The following SERPINB12 variants were observed in gnomAD, a reference collection of about 807,000 sequenced individuals.
SERPINB12 encodes the protein serpin B12.
Under a neutral mutation model 41.1 loss-of-function variants are expected in SERPINB12, and 57 were observed. The ratio of observed to expected loss-of-function variants is 1.39; its 90% confidence interval spans 1.12 to 1.73. The LOEUF (loss-of-function observed/expected upper bound fraction) is 1.73, where lower values mean the gene tolerates loss of function less well. SERPINB12 is among the 40% of genes most tolerant of loss of function. The pLI is 0.00. For synonymous variants in SERPINB12, 180 were observed against 181.3 expected (o/e 0.99, Z 0.06); for missense variants, 536 against 501.9 (o/e 1.07, Z -0.65).
At chr18:63,547,772 G>T (rs1371855883) in intron 1 of SERPINB12, among the ~76,000 whole-genome samples, 1 of 151,818 alleles carries the variant, frequency 6.6e-6, no homozygotes, top group African/African-American at 2.4e-5. Flanking sequence ...TTCTTATATA[G>T]TAAAAAATTA....
intron 1 of SERPINB12, among the ~76,000 whole-genome samples, chr18:63,547,915 A>G (rs1164129186): frequency 6.6e-6 from 1 of 152,200 alleles, no homozygotes; most frequent in African/African-American, 2.4e-5. Flanking sequence ...AAAAATGGGC[A>G]GATGACAGCA....
the SERPINB12 span, among the ~76,000 whole-genome samples, chr18:63,530,432 C>T: frequency 1.3e-5 from 2 of 152,100 alleles, no homozygotes; most frequent in Non-Finnish European, 2.9e-5. Context: ...ACCCACCTTC[C>T]CCCCAAACTT....
chr18:63,546,406 T>G (rs1236590068), intron 1 of SERPINB12, among the ~76,000 whole-genome samples: 1 of 152,222 alleles, frequency 6.6e-6, no homozygotes, highest in Non-Finnish European at 1.5e-5. Context: ...TAAAAAGTTT[T>G]GTGTTTTCAG....
At chr18:63,531,255 T>G in the SERPINB12 span, among the ~76,000 whole-genome samples, 1 of 152,210 alleles carries the variant, frequency 6.6e-6, no homozygotes, top group Non-Finnish European at 1.5e-5. Flanking sequence ...TCACTAAGCT[T>G]GAGTTGCTGT....
At chr18:63,565,754 AT>A in intron 7 of SERPINB12, 142 bp downstream of exon 7, 1 of 631,536 alleles carries the variant, frequency 1.6e-6, no homozygotes, top group Non-Finnish European at 2.5e-6. Flanking sequence ...TCTGAATTAG[AT>A]TAGATATTTA....
chr18:63,566,598 C>T lies in SERPINB12; in HGVS notation c.874-9C>T. On this transcript the variant is annotated splice_polypyrimidine_tract_variant and intron_variant, in intron 7 of 7. Coordinates refer to ENST00000382768, the MANE Select transcript of SERPINB12 (RefSeq NM_001307928.2). ...TCTGATGCTAAATATTATTTCCTTCCTCTTGTAGCTTGAAAGGAAAATCAC... is the reference window on the plus strand; with the variant it reads ...TCTGATGCTAAATATTATTTCCTTCTTCTTGTAGCTTGAAAGGAAAATCAC... 1 of 1,593,690 alleles carries T rather than the reference C, an allele frequency of 6.3e-7. No homozygotes were observed. The highest frequency in any genetic ancestry group is 8.5e-7 in the Non-Finnish European group (1 of 1,172,526).
Position 63,565,555 on chromosome 18 carries a change from C to T in SERPINB12, c.816C>T (p.Leu272=). 6.2e-7 allele frequency: 1 copy of T among 1,614,110 alleles called. No individual in the cohort carries two copies. Among genetic ancestry groups the T allele is most frequent in the Non-Finnish European group, 8.5e-7 (1 of 1,179,994 alleles). ...AAATGAGGTACACCAAGGGGAAGCT[C>T]AGCATGTTCGTGCTGCTGCCATCTC... ...ILEMRYTKGK[L]SMFVLLPSHS... The change falls in exon 7 of 8, where the codon CTC becomes CTT. Residue 272 remains leucine (L), a synonymous_variant. Transcript: ENST00000382768.
intron 5 of SERPINB12, among the ~76,000 whole-genome samples, chr18:63,563,342 G>T (rs1910976780): frequency 6.6e-6 from 1 of 152,166 alleles, no homozygotes; most frequent in African/African-American, 2.4e-5. Context: ...CATATTGTCA[G>T]ATGACTAACT....
At chr18:63,532,557 T>G in the SERPINB12 span, among the ~76,000 whole-genome samples, 1 of 152,064 alleles carries the variant, frequency 6.6e-6, no homozygotes, top group East Asian at 1.9e-4. Context: ...GCAGTGGGGA[T>G]TTTGGAGGAG....
rs1910855580 is a variant in SERPINB12, at chr18:63,560,195, T to C, written c.444+477T>C. On this transcript the variant is annotated intron_variant, in intron 4 of 7. Transcript: ENST00000382768. ...GGGGTAGCAGGAGGAGACTGCGTTT[T>C]GGCATTTGGAGCTGAAAGGCACAGG... 1.3e-5 allele frequency among the ~76,000 whole-genome samples: 2 copies of C among 152,222 alleles called. 1 individual carries two copies. The highest frequency in any genetic ancestry group is 4.1e-4 in the South Asian group (2 of 4,828).
chr18:63,546,508 G>A (rs1052246705), intron 1 of SERPINB12, among the ~76,000 whole-genome samples: 2 of 152,202 alleles, frequency 1.3e-5, no homozygotes, highest in Non-Finnish European at 2.9e-5. Context: ...GTAGCTTAGA[G>A]CACATTTTGC....
intron 1 of SERPINB12, among the ~76,000 whole-genome samples, chr18:63,549,786 A>G (rs1322811364): frequency 6.6e-6 from 1 of 152,180 alleles, no homozygotes; most frequent in Admixed American, 6.5e-5. Flanking sequence ...AGAGACACAA[A>G]CAAGACATGG....
At chr18:63,520,278 G>T in the SERPINB12 span, among the ~76,000 whole-genome samples, 1 of 152,198 alleles carries the variant, frequency 6.6e-6, no homozygotes, top group South Asian at 2.1e-4. Flanking sequence ...GGACAATGGT[G>T]GCAGGAGCCA....
chr18:63,561,986 T>C (rs553873098), intron 5 of SERPINB12, among the ~76,000 whole-genome samples: 1 of 152,112 alleles, frequency 6.6e-6, no homozygotes, highest in Non-Finnish European at 1.5e-5. Context: ...CCTGCACATG[T>C]ACTTCCTGTA....
chr18:63,550,219 A>C (rs1910488974), intron 1 of SERPINB12, among the ~76,000 whole-genome samples: 1 of 152,188 alleles, frequency 6.6e-6, no homozygotes, highest in Non-Finnish European at 1.5e-5. Flanking sequence ...CAAGTTTTTC[A>C]AGTTGTAGCT....
the SERPINB12 span, among the ~76,000 whole-genome samples, chr18:63,520,089 C>T: frequency 6.6e-6 from 1 of 152,190 alleles, no homozygotes; most frequent in Admixed American, 6.5e-5. Context: ...CCAGGGCCTT[C>T]ACCCTCAGCT....
the SERPINB12 span, among the ~76,000 whole-genome samples, chr18:63,532,038 G>A: frequency 6.6e-6 from 1 of 152,290 alleles, no homozygotes; most frequent in African/African-American, 2.4e-5. Context: ...CAAGATCTTA[G>A]GAATAGTATC....
At chr18:63,534,261 G>A in the SERPINB12 span, among the ~76,000 whole-genome samples, 1 of 152,100 alleles carries the variant, frequency 6.6e-6, no homozygotes. Context: ...GCAATTGATA[G>A]TCTGTTTTAT....
chr18:63,550,541 C>T (rs1910497983), intron 1 of SERPINB12, among the ~76,000 whole-genome samples: 1 of 152,196 alleles, frequency 6.6e-6, no homozygotes, highest in African/African-American at 2.4e-5. Context: ...AACACCCACA[C>T]ACACATTAAT....
Sources: allele counts gnomAD v4.1 joint callset (sites outside exome capture counted in the v4.1 genomes callset), GRCh38; gene constraint gnomAD v4.1.1; transcripts MANE v1.5; gene names NCBI Gene and HGNC (gene_info 2026-07-23, HGNC 2026-07-21).